Variants in LRRFIP2 observed in about 807,000 individuals in gnomAD.
LRRFIP2 encodes leucine-rich repeat flightless-interacting protein 2.
In LRRFIP2, 109 loss-of-function variants were observed where a neutral mutation model predicts 125.9. The ratio of observed to expected loss-of-function variants is 0.87; its 90% confidence interval spans 0.74 to 1.01. The LOEUF is 1.01. Ranked by LOEUF, LRRFIP2 falls within the 50% of genes least tolerant of loss-of-function variation. The pLI, the probability that LRRFIP2 is intolerant of heterozygous loss-of-function variation, is 0.00. For synonymous variants in LRRFIP2, 291 were observed against 293.1 expected, an observed-to-expected ratio of 0.99 and a Z score of 0.07; for missense variants, 850 against 862.3, an observed-to-expected ratio of 0.99 and a Z score of 0.18.
intron 1 of LRRFIP2, among the ~76,000 whole-genome samples, chr3:37,167,515 G>T (rs577111401): frequency 6.6e-6 from 1 of 151,602 alleles, no homozygotes; most frequent in South Asian, 2.1e-4. Context: ...TTAGCCGGGC[G>T]TGGTGGCGGG....
intron 7 of LRRFIP2, among the ~76,000 whole-genome samples, chr3:37,114,526 T>C (rs1406046706): frequency 6.6e-6 from 1 of 152,202 alleles, no homozygotes; most frequent in Non-Finnish European, 1.5e-5. Context: ...CTCACATATG[T>C]AATCCCATCA....
intron 12 of LRRFIP2, 32 bp from the exon 13 acceptor site, chr3:37,108,161 A>G (rs756941288): frequency 3.2e-5 from 48 of 1,514,244 alleles, no homozygotes; most frequent in Non-Finnish European, 4.2e-5. Context: ...AGGTTTTACA[A>G]CAATGATCAC....
chr3:37,129,226 T>C (rs3733030), intron 2 of LRRFIP2, 77 bp from the exon 3 acceptor site: 551,331 of 1,290,662 alleles, frequency 0.43, 123,162 homozygotes, highest in Non-Finnish European at 0.46. Flanking sequence ...AAATAAAGAA[T>C]GGGACATTAC....
At chr3:37,071,977 G>A (rs1358010741) in intron 21 of LRRFIP2, among the ~76,000 whole-genome samples, 1 of 152,132 alleles carries the variant, frequency 6.6e-6, no homozygotes, top group Non-Finnish European at 1.5e-5. Flanking sequence ...TTACTTGGGG[G>A]AGTTCTGTGG....
chr3:37,170,314 G>C (rs1230207949), intron 1 of LRRFIP2: 2 of 152,152 alleles, frequency 1.3e-5, no homozygotes, highest in Non-Finnish European at 2.9e-5. Context: ...TTGGTCTAAG[G>C]GTGGAACACT....
intron 6 of LRRFIP2, among the ~76,000 whole-genome samples, chr3:37,119,457 T>C (rs1020636784): frequency 6.6e-6 from 1 of 152,288 alleles, no homozygotes; most frequent in South Asian, 2.1e-4. Context: ...TAAACAAATA[T>C]ATAATCAAAT....
In LRRFIP2 at chr3:37,108,643, A is replaced by C; in HGVS notation, c.651T>G (p.Pro217=). The C allele has an allele frequency of 6.2e-7, 1 of 1,608,902 alleles. No individual in the cohort carries two copies. Among genetic ancestry groups the C allele is most frequent in the Non-Finnish European group, 8.5e-7 (1 of 1,175,698 alleles). ...YNGGLYNPYG[P]RTPSECSYYS... Reference sequence around the variant, plus strand: ...TTCCCCTATTTAGACTTACAGTTCGAGGACCATAAGGGTTATATAATCCAC... The same window carrying C: ...TTCCCCTATTTAGACTTACAGTTCGCGGACCATAAGGGTTATATAATCCAC... The change falls in exon 12 of 28, where the codon CCT becomes CCG. Residue 217 remains proline (P), a synonymous_variant. Transcript: ENST00000336686.
intron 15 of LRRFIP2, among the ~76,000 whole-genome samples, chr3:37,100,361 C>CACATACATACATGTAT (rs2093956952): frequency 6.9e-6 from 1 of 144,922 alleles, no homozygotes; most frequent in African/African-American, 2.8e-5. Context: ...TATATATATA[C>CACATACATACATGTAT]ACATACATAC....
chr3:37,173,362 A>G (rs2096612695), intron 1 of LRRFIP2, among the ~76,000 whole-genome samples: 1 of 152,066 alleles, frequency 6.6e-6, no homozygotes, highest in Admixed American at 6.6e-5. Context: ...ACCACCAGCT[A>G]ATTTTTTTGT....
At chr3:37,072,058 T>C (rs1319498552) in intron 21 of LRRFIP2, among the ~76,000 whole-genome samples, 1 of 152,228 alleles carries the variant, frequency 6.6e-6, no homozygotes, top group Admixed American at 6.5e-5. Context: ...TTGATTTTAA[T>C]CTCTTCCTAT....
chr3:37,059,797 A>AAATAAT (rs1553684241), intron 24 of LRRFIP2, among the ~76,000 whole-genome samples: 26 of 145,202 alleles, frequency 1.8e-4, no homozygotes, highest in Admixed American at 4.1e-4. Flanking sequence ...AAAAAAAAAA[A>AAATAAT]AATAATAATA....
chr3:37,132,259 G>A (rs185632033), intron 2 of LRRFIP2, among the ~76,000 whole-genome samples: 2 of 148,968 alleles, frequency 1.3e-5, no homozygotes, highest in East Asian at 3.9e-4. Flanking sequence ...CAATGTGTAG[G>A]AATTTTCATT....
chr3:37,108,661 T>C lies in LRRFIP2; in HGVS notation c.633A>G (p.Leu211=), dbSNP rs1294900995. Residue 211 remains leucine (L), a synonymous_variant, in exon 12 of 28, where the codon TTA becomes TTG. Transcript: ENST00000336686. The part of the protein sequence containing the change: ...ASLASLYNGG[L]YNPYGPRTPS... ...CAGTTCGAGGACCATAAGGGTTATA[T>C]AATCCACCATTGTACAATGATGCCT... 1.2e-6 allele frequency: 2 copies of C among 1,610,444 alleles called. No individual in the cohort carries two copies. Among genetic ancestry groups the C allele is most frequent in the South Asian group, 1.1e-5 (1 of 90,942 alleles).
At position 37,127,631 on chromosome 3, in the gene LRRFIP2, A is replaced by C. The variant is rs1254876670; in HGVS notation, c.227T>G (p.Leu76Arg). The change falls in exon 4 of 28, where the codon CTG becomes CGG. Residue 76 changes from leucine (L) to arginine (R), a missense_variant and splice_region_variant. Transcript: ENST00000336686. ...DRKWGQIQKW[L>R]EDSERARYSH... Reference sequence around the variant, plus strand: ...GCAGGACAGGCAATACTGGCCTACCAGCCACTTCTGAATCTGTCCCCACTT... The same window carrying C: ...GCAGGACAGGCAATACTGGCCTACCCGCCACTTCTGAATCTGTCCCCACTT... The C allele has an allele frequency of 2.5e-6, 4 of 1,613,696 alleles. No homozygotes were observed. The highest frequency in any genetic ancestry group is 3.4e-6 in the Non-Finnish European group (4 of 1,179,726).
At chr3:37,146,976 G>C (rs879179791) in intron 2 of LRRFIP2, among the ~76,000 whole-genome samples, 1 of 151,678 alleles carries the variant, frequency 6.6e-6, no homozygotes, top group Non-Finnish European at 1.5e-5. Flanking sequence ...TTTGACAAAG[G>C]TCTAATATCC....
chr3:37,116,458 T>C (rs1240810540), intron 6 of LRRFIP2, among the ~76,000 whole-genome samples: 3 of 152,126 alleles, frequency 2.0e-5, no homozygotes, highest in Non-Finnish European at 4.4e-5. Context: ...TTTTAAAAAC[T>C]AAACTAGAAG....
intron 2 of LRRFIP2, among the ~76,000 whole-genome samples, chr3:37,141,713 G>A (rs1345156655): frequency 1.3e-5 from 2 of 152,286 alleles, no homozygotes; most frequent in South Asian, 4.1e-4. Context: ...TCATCCCCAG[G>A]CAGGGCCCGG....
chr3:37,142,844 C>G (rs572764008), intron 2 of LRRFIP2, among the ~76,000 whole-genome samples: 1 of 152,122 alleles, frequency 6.6e-6, no homozygotes, highest in Non-Finnish European at 1.5e-5. Flanking sequence ...CTAAACAGTA[C>G]GAGTTCAAAA....
chr3:37,142,434 A>G (rs1305648874), intron 2 of LRRFIP2, among the ~76,000 whole-genome samples: 1 of 152,222 alleles, frequency 6.6e-6, no homozygotes, highest in Non-Finnish European at 1.5e-5. Flanking sequence ...AGCGTGAGCT[A>G]CCATGCTCGG....
Sources: allele counts gnomAD v4.1 joint callset (sites outside exome capture counted in the v4.1 genomes callset), GRCh38; gene constraint gnomAD v4.1.1; transcripts MANE v1.5; gene names NCBI Gene and HGNC (gene_info 2026-07-23, HGNC 2026-07-21).